The following ZNF705G variants were observed in gnomAD, a reference collection of about 807,000 sequenced individuals.
ZNF705G encodes putative zinc finger protein 705G.
ZNF705G carries 23 observed loss-of-function variants against 19.6 expected under a neutral mutation model. The ratio of observed to expected loss-of-function variants is 1.17; its 90% CI spans 0.84 to 1.66. The LOEUF (loss-of-function observed/expected upper bound fraction) is 1.66. Among genes scored for constraint, ZNF705G ranks in the 40% most tolerant of loss-of-function variants. ZNF705G has a pLI of 0.00. For missense variants in ZNF705G, 457 were observed against 354.4 expected, an observed-to-expected ratio of 1.29 and a Z score of -2.32; for synonymous variants, 146 against 117.7, an observed-to-expected ratio of 1.24 and a Z score of -1.56.
rs553525796 is a variant in ZNF705G at position 7,363,540 on chromosome 8, G to A, written c.-71-523C>T. 2.0e-5 allele frequency among the ~76,000 whole-genome samples: 3 copies of A among 149,774 alleles called. 1 individual carries two copies. Among genetic ancestry groups the A allele is most frequent in the African/African-American group, 7.7e-5 (3 of 39,146 alleles). ...TAATCAAGTAAGAATCTGTTTTAGGGTGGAGTGTGGTGGCTCACGCCTGTA... is the reference window on the plus strand; with the variant it reads ...TAATCAAGTAAGAATCTGTTTTAGGATGGAGTGTGGTGGCTCACGCCTGTA... On this transcript the variant is annotated intron_variant, in intron 2 of 6. Transcript: ENST00000400156.
Position 7,356,970 on chromosome 8 carries a change from T to G in ZNF705G, c.*1006A>C, listed in dbSNP as rs1300515457. 1.3e-5 allele frequency: 2 copies of G among 149,936 alleles called. No individual in the cohort carries two copies. Among genetic ancestry groups the G allele is most frequent in the East Asian group, 3.9e-4 (2 of 5,188 alleles). The allele number at this position is 149,936 out of a possible 1,614,324, so 9.3% of individuals were successfully genotyped here. The stretch of plus-strand genomic sequence containing the variant: ...ATATTTTCTCAAATTTCTGAATTAT[T>G]TTGCTAAAGTATGTGTTAAGAGTTT... On this transcript the variant is annotated 3_prime_UTR_variant, in exon 7 of 7. Transcript: ENST00000400156.
intron 2 of ZNF705G, among the ~76,000 whole-genome samples, chr8:7,363,784 G>A (rs1322528312): frequency 6.7e-6 from 1 of 149,228 alleles, no homozygotes; most frequent in African/African-American, 2.6e-5. Context: ...TCCCACCACT[G>A]CACTCCAGCG....
At chr8:7,365,601 C>T (rs1218597915) in intron 2 of ZNF705G, among the ~76,000 whole-genome samples, 2 of 149,230 alleles carry the variant, frequency 1.3e-5, no homozygotes, top group Admixed American at 6.6e-5. Context: ...AACTCCTGAC[C>T]TCAGGTGATC....
At chr8:7,365,523 C>T (rs1396334725) in intron 2 of ZNF705G, among the ~76,000 whole-genome samples, 2 of 148,982 alleles carry the variant, frequency 1.3e-5, no homozygotes, top group Non-Finnish European at 2.9e-5. Context: ...GGATGACAGG[C>T]TTGCGCCATC....
intron 6 of ZNF705G, among the ~76,000 whole-genome samples, chr8:7,359,077 A>G (rs1806440315): frequency 6.7e-6 from 1 of 149,592 alleles, no homozygotes; most frequent in Non-Finnish European, 1.5e-5. Flanking sequence ...TGAGCCAGAA[A>G]AATGCATGAA....
At chr8:7,360,356 G>T in intron 4 of ZNF705G, 24 bp from the exon 5 acceptor site, 1 of 1,587,330 alleles carries the variant, frequency 6.3e-7, no homozygotes, top group Non-Finnish European at 8.5e-7. Flanking sequence ...GAATACATGT[G>T]TTTTGAGTTC....
At chr8:7,381,147 C>T (rs1253037886) in intron 2 of ZNF705G, among the ~76,000 whole-genome samples, 1 of 120,432 alleles carries the variant, frequency 8.3e-6, no homozygotes, top group Non-Finnish European at 1.6e-5. Context: ...TGCTTTGATT[C>T]ACATGGAAAT....
At chr8:7,380,109 G>A (rs1333599559) in intron 2 of ZNF705G, among the ~76,000 whole-genome samples, 2 of 143,898 alleles carry the variant, frequency 1.4e-5, no homozygotes. Context: ...AGAACAAAGG[G>A]AGCTGAAGCA....
chr8:7,365,846 G>A (rs1275869733), intron 2 of ZNF705G, among the ~76,000 whole-genome samples: 2 of 149,460 alleles, frequency 1.3e-5, no homozygotes, highest in Non-Finnish European at 2.9e-5. Context: ...TTAAGTTCCT[G>A]GACAACAAAA....
rs548727715 is a variant in ZNF705G at position 7,383,655 on chromosome 8, C to T, written c.-222+1843G>A. Among the ~76,000 whole-genome samples the T allele has an allele frequency of 6.0e-5, 9 of 148,940 alleles. No individual in the cohort carries two copies. In the East Asian group the frequency reaches 1.5e-3, roughly 26 times the overall value. On this transcript the variant is annotated intron_variant, in intron 1 of 6. Coordinates refer to ENST00000400156, the MANE Select transcript of ZNF705G (RefSeq NM_001164457.3). The stretch of plus-strand genomic sequence containing the variant: ...TGGTGATGATATTACAAGGTGCGGG[C>T]TTTGAGGAGGTGATTAAGTCGTGGA...
At chr8:7,365,441 C>T (rs1363306539) in intron 2 of ZNF705G, among the ~76,000 whole-genome samples, 3 of 143,914 alleles carry the variant, frequency 2.1e-5, no homozygotes, top group Non-Finnish European at 4.4e-5. Flanking sequence ...TGCAGTGGCG[C>T]GATCTCGGCT....
At position 7,356,480 on chromosome 8, in the gene ZNF705G, A is replaced by G. The variant is rs1806257506; in HGVS notation, c.*1496T>C. 1 of 149,840 alleles carries G rather than the reference A, an allele frequency of 6.7e-6. No individual in the cohort carries two copies. The highest frequency in any genetic ancestry group is 6.6e-5 in the Admixed American group (1 of 15,238). 9.3% of individuals were successfully genotyped at this position (149,840 alleles called of 1,614,324 possible). ...CTAGAGACAGAGGAAAGGGCTGCGG[A>G]CACCCAAATGCATATACAAGGTGTC... On this transcript the variant is annotated 3_prime_UTR_variant, in exon 7 of 7. Coordinates refer to ENST00000400156, the MANE Select transcript of ZNF705G (RefSeq NM_001164457.3).
intron 2 of ZNF705G, among the ~76,000 whole-genome samples, chr8:7,375,257 C>T (rs1807211972): frequency 1.1e-5 from 1 of 91,630 alleles, no homozygotes; most frequent in African/African-American, 5.1e-5. Flanking sequence ...TCGGCTCCCC[C>T]TTATAACTGA....
chr8:7,367,892 T>C (rs953323503), intron 2 of ZNF705G, among the ~76,000 whole-genome samples: 2 of 149,762 alleles, frequency 1.3e-5, no homozygotes, highest in African/African-American at 5.1e-5. Flanking sequence ...GGTAACAGTA[T>C]CATTGTAAGG....
At chr8:7,364,109 T>A (rs561690658) in intron 2 of ZNF705G, among the ~76,000 whole-genome samples, 7 of 149,544 alleles carry the variant, frequency 4.7e-5, no homozygotes, top group Non-Finnish European at 8.8e-5. Context: ...TTAGTCTTTG[T>A]TAGTTGCAAT....
At chr8:7,366,944 T>C (rs1806884336) in intron 2 of ZNF705G, among the ~76,000 whole-genome samples, 4 of 149,738 alleles carry the variant, frequency 2.7e-5, no homozygotes, top group Admixed American at 2.0e-4. Context: ...CTATTACTAC[T>C]AAGGATATGC....
intron 3 of ZNF705G, among the ~76,000 whole-genome samples, chr8:7,362,538 G>A (rs1277024436): frequency 2.7e-5 from 4 of 149,466 alleles, no homozygotes; most frequent in Admixed American, 1.3e-4. Context: ...GTCTATTTCA[G>A]GCAACAGTAT....
intron 2 of ZNF705G, among the ~76,000 whole-genome samples, chr8:7,379,249 T>A (rs555814578): frequency 1.4e-5 from 2 of 147,482 alleles, no homozygotes; most frequent in African/African-American, 5.4e-5. Context: ...ATCTCGGAGA[T>A]TGAGATATAT....
At chr8:7,366,660 G>A (rs769845509) in intron 2 of ZNF705G, among the ~76,000 whole-genome samples, 24 of 149,504 alleles carry the variant, frequency 1.6e-4, no homozygotes, top group Admixed American at 4.6e-4. Flanking sequence ...TTTGCTGTAC[G>A]TTATTTTTAA....
Sources: gnomAD v4.1 joint callset for allele counts (sites outside exome capture counted in the v4.1 genomes callset) on GRCh38, gnomAD v4.1.1 for gene constraint, MANE v1.5 for transcripts, NCBI Gene and HGNC (gene_info 2026-07-23, HGNC 2026-07-21) for gene names.